The following ZNF33A variants were observed in gnomAD, a reference collection of about 807,000 sequenced individuals.
ZNF33A encodes zinc finger protein 33A.
ZNF33A carries 9 observed loss-of-function variants against 15.9 expected under a neutral mutation model. The observed-to-expected ratio is 0.57, with a 90% CI of 0.34 to 0.99. The LOEUF (loss-of-function observed/expected upper bound fraction) is 0.99. Among genes scored for constraint, ZNF33A ranks in the 50% least tolerant of loss-of-function variants. The probability of loss-of-function intolerance (pLI) is 0.02; values close to 1 mark genes in which losing one functional copy is unlikely to be tolerated. For synonymous variants in ZNF33A, 294 were observed against 324.2 expected (o/e 0.91, Z 1.00); for missense variants, 843 against 941.6 (o/e 0.90, Z 1.37).
chr10:38,029,859 ATATCAT>A (rs1418152920), intron 4 of ZNF33A, among the ~76,000 whole-genome samples: 2 of 152,212 alleles, frequency 1.3e-5, no homozygotes, highest in African/African-American at 4.8e-5. Context: ...TGGGAAACGG[ATATCAT>A]TAGGTGCACC....
At chr10:38,027,461 C>G (rs1416547090) in intron 4 of ZNF33A, among the ~76,000 whole-genome samples, 2 of 151,970 alleles carry the variant, frequency 1.3e-5, no homozygotes, top group Admixed American at 1.3e-4. Context: ...TCAAGTGATC[C>G]TCCCCATTCA....
At chr10:38,049,612 A>T (rs1245528452) in intron 4 of ZNF33A, among the ~76,000 whole-genome samples, 1 of 152,178 alleles carries the variant, frequency 6.6e-6, no homozygotes. Context: ...GTATATATCT[A>T]ATATACACAT....
Position 38,055,189 on chromosome 10 carries a change from A to G in ZNF33A, c.1065A>G (p.Lys355=). Residue 355 remains lysine, a synonymous_variant, in exon 5 of 5, where the codon AAA becomes AAG. Transcript: ENST00000432900. ...ATCAGAGGGTGCACACAGGACAGAAACCCTTTCAATGTAATGAATGTGAAA... is the reference window on the plus strand; with the variant it reads ...ATCAGAGGGTGCACACAGGACAGAAGCCCTTTCAATGTAATGAATGTGAAA... The part of the protein sequence containing the change: ...TRHQRVHTGQ[K]PFQCNECEKA... The G allele has an allele frequency of 1.2e-6, 2 of 1,614,134 alleles. No individual in the cohort carries two copies. The highest frequency in any genetic ancestry group is 1.1e-5 in the South Asian group (1 of 91,078).
chr10:38,014,745 T>G (rs1366740554), intron 2 of ZNF33A, among the ~76,000 whole-genome samples: 1 of 152,238 alleles, frequency 6.6e-6, no homozygotes, highest in African/African-American at 2.4e-5. Flanking sequence ...GTAGCTGGTT[T>G]AACACATTTT....
At chr10:38,036,442 AAAAAAT>A (rs2065457683) in intron 4 of ZNF33A, among the ~76,000 whole-genome samples, 1 of 152,172 alleles carries the variant, frequency 6.6e-6, no homozygotes, top group African/African-American at 2.4e-5. Flanking sequence ...TGTCTCAAAA[AAAAAAT>A]AAAAATAAAA....
At chr10:38,033,673 G>GT (rs2065313040) in intron 4 of ZNF33A, among the ~76,000 whole-genome samples, 1 of 149,926 alleles carries the variant, frequency 6.7e-6, no homozygotes, top group Non-Finnish European at 1.5e-5. Context: ...TCTCATTGTG[G>GT]TTTTTTGCAT....
At chr10:38,017,424 A>T (rs371089249) in intron 4 of ZNF33A, 38 bp downstream of exon 4, 7 of 1,529,588 alleles carry the variant, frequency 4.6e-6, no homozygotes, top group Non-Finnish European at 6.3e-6. Context: ...ACATCAGGGG[A>T]TTTGTTGTTT....
intron 4 of ZNF33A, among the ~76,000 whole-genome samples, chr10:38,035,318 A>G (rs2065400204): frequency 6.6e-6 from 1 of 151,750 alleles, no homozygotes; most frequent in Admixed American, 6.6e-5. Context: ...GGGTTTTGCC[A>G]TGTTGGACAG....
chr10:38,017,259 G>A (rs2064501487), intron 3 of ZNF33A, 32 bp from the exon 4 acceptor site: 1 of 1,599,474 alleles, frequency 6.3e-7, no homozygotes. Context: ...TAGACTGCTT[G>A]GTCCAAATCC....
At chr10:38,029,714 G>A (rs997792733) in intron 4 of ZNF33A, among the ~76,000 whole-genome samples, 2 of 152,142 alleles carry the variant, frequency 1.3e-5, no homozygotes, top group African/African-American at 2.4e-5. Context: ...CCTATGCACA[G>A]GACTAACAAC....
downstream of ZNF33A, among the ~76,000 whole-genome samples, chr10:38,065,317 C>T (rs1413164057): frequency 5.3e-5 from 8 of 152,080 alleles, no homozygotes; most frequent in African/African-American, 1.7e-4. Context: ...GATGATCACC[C>T]GCCTTGGCTC....
Position 38,059,022 on chromosome 10 carries a change from C to G in ZNF33A, c.*2462C>G, listed in dbSNP as rs146957194. On this transcript the variant is annotated 3_prime_UTR_variant, in exon 5 of 5. Transcript: ENST00000432900. ...CATTGAACACAGATGCAGAAATCCTCAAAATATTAGCAAATCAGGAATGCA... is the reference window on the plus strand; with the variant it reads ...CATTGAACACAGATGCAGAAATCCTGAAAATATTAGCAAATCAGGAATGCA... 43 of 152,256 alleles carry G rather than the reference C, an allele frequency of 2.8e-4. 1 individual carries two copies. In the East Asian group the frequency reaches 8.3e-3, roughly 29 times the overall value. 9.4% of individuals were successfully genotyped at this position (152,256 alleles called of 1,614,324 possible).
chr10:38,038,738 A>G (rs2065560650), intron 4 of ZNF33A, among the ~76,000 whole-genome samples: 1 of 152,184 alleles, frequency 6.6e-6, no homozygotes, highest in African/African-American at 2.4e-5. Flanking sequence ...GCCTTTAATC[A>G]GGCTGAGGAA....
rs2066547637 is a variant in ZNF33A at position 38,057,830 on chromosome 10, C to T, written c.*1270C>T. 1.0e-6 allele frequency: 1 copy of T among 985,404 alleles called. No individual in the cohort carries two copies. Among genetic ancestry groups the T allele is most frequent in the Non-Finnish European group, 1.2e-6 (1 of 829,934 alleles). 61.0% of individuals were successfully genotyped at this position (985,404 alleles called of 1,614,324 possible). On this transcript the variant is annotated 3_prime_UTR_variant, in exon 5 of 5. Transcript: ENST00000432900. ...TCCAAGACAGGGCCCTGGAAAGGCCCACACATACAGCCCAGGGCTGCCCAG... is the reference window on the plus strand; with the variant it reads ...TCCAAGACAGGGCCCTGGAAAGGCCTACACATACAGCCCAGGGCTGCCCAG...
chr10:38,023,542 G>A (rs539407776), intron 4 of ZNF33A, among the ~76,000 whole-genome samples: 1 of 152,194 alleles, frequency 6.6e-6, no homozygotes, highest in South Asian at 2.1e-4. Context: ...AATAGAGAAA[G>A]GATTTGACAA....
intron 4 of ZNF33A, among the ~76,000 whole-genome samples, chr10:38,042,581 C>G (rs899874731): frequency 2.7e-5 from 4 of 146,018 alleles, no homozygotes; most frequent in Non-Finnish European, 4.5e-5. Flanking sequence ...AACAAGGTCT[C>G]TCTGAGTCAT....
At chr10:38,014,511 CTT>C (rs1417231538) in intron 2 of ZNF33A, among the ~76,000 whole-genome samples, 1 of 152,216 alleles carries the variant, frequency 6.6e-6, no homozygotes, top group Non-Finnish European at 1.5e-5. Flanking sequence ...ATTTACATCT[CTT>C]TCATTGGAAT....
chr10:38,011,015 C>T (rs2064152097), intron 1 of ZNF33A, among the ~76,000 whole-genome samples: 1 of 152,180 alleles, frequency 6.6e-6, no homozygotes, highest in South Asian at 2.1e-4. Context: ...GTGGGGGCCG[C>T]GGAGGAGGGC....
Position 38,057,508 on chromosome 10 carries a change from C to G in ZNF33A, c.*948C>G, listed in dbSNP as rs1220516407. 23 of 985,212 alleles carry G rather than the reference C, an allele frequency of 2.3e-5. No individual in the cohort carries two copies. The African/African-American group carries it at 3.1e-4, about 13-fold the overall frequency. 61.0% of individuals were successfully genotyped at this position (985,212 alleles called of 1,614,324 possible). On this transcript the variant is annotated 3_prime_UTR_variant, in exon 5 of 5. Transcript: ENST00000432900. ...TAATTGTGAATAGGAAGTAGGTATC[C>G]TAGTTTAGTAGTGGTTACATTATCA...
Sources: allele counts gnomAD v4.1 joint callset (sites outside exome capture counted in the v4.1 genomes callset), GRCh38; gene constraint gnomAD v4.1.1; transcripts MANE v1.5; gene names NCBI Gene and HGNC (gene_info 2026-07-23, HGNC 2026-07-21).